The following LPP variants were observed in gnomAD, a reference collection of about 807,000 sequenced individuals.
The protein encoded by LPP is LIM domain containing preferred translocation partner in lipoma.
A neutral mutation model predicts 60.4 loss-of-function variants in LPP; 38 were observed. The ratio of observed to expected loss-of-function variants is 0.63; its 90% CI spans 0.49 to 0.83. LPP has a LOEUF of 0.83. LPP is among the 40% of genes least tolerant of loss of function. LPP has a pLI of 0.00. For missense variants in LPP, 902 were observed against 783.6 expected, an observed-to-expected ratio of 1.15 and a Z score of -1.80; for synonymous variants, 328 against 290.8, an observed-to-expected ratio of 1.13 and a Z score of -1.30.
intron 4 of LPP, among the ~76,000 whole-genome samples, chr3:188,448,072 G>T (rs1180577214): frequency 6.6e-6 from 1 of 152,088 alleles, no homozygotes; most frequent in South Asian, 2.1e-4. Flanking sequence ...TTATAACAGG[G>T]TCTATATTGG....
At chr3:188,625,376 A>G (rs1299235484) in intron 7 of LPP, among the ~76,000 whole-genome samples, 3 of 152,218 alleles carry the variant, frequency 2.0e-5, no homozygotes, top group African/African-American at 7.2e-5. Flanking sequence ...AAGATAATAC[A>G]TTGATATATA....
At position 188,801,421 on chromosome 3, in the gene LPP, C is replaced by T. The variant is rs547145371; in HGVS notation, c.1410+41139C>T. Among the ~76,000 whole-genome samples, 46 of 152,178 alleles carry T rather than the reference C, an allele frequency of 3.0e-4. No individual in the cohort carries two copies. The South Asian group carries it at 5.6e-3, about 19-fold the overall frequency. ...ATATATTGAAAACTAGAGGCACATA[C>T]GTCTATAAACAGTGCTCAGGGCGTA... is the stretch of plus-strand genomic sequence containing the variant. On this transcript the variant is annotated intron_variant, in intron 9 of 11. Transcript: ENST00000617246.
chr3:188,654,835 G>T lies in LPP; in HGVS notation c.1113+44991G>T, dbSNP rs1179663173. Among the ~76,000 whole-genome samples the T allele has an allele frequency of 1.3e-5, 2 of 152,132 alleles. 1 individual carries two copies. The highest frequency in any genetic ancestry group is 2.9e-5 in the Non-Finnish European group (2 of 68,028). ...GACTCCAACCTGCAGTGTCTTTAGT[G>T]AGTCAGAAATTAGGAAGATAGCTTC... On this transcript the variant is annotated intron_variant, in intron 7 of 11. Coordinates refer to ENST00000617246, the MANE Select transcript of LPP (RefSeq NM_001375462.1).
intron 3 of LPP, among the ~76,000 whole-genome samples, chr3:188,351,501 A>G (rs1350929385): frequency 1.3e-5 from 2 of 152,150 alleles, no homozygotes; most frequent in African/African-American, 4.8e-5. Flanking sequence ...AATAAAGGTA[A>G]TACAGGTGCT....
intron 8 of LPP, among the ~76,000 whole-genome samples, chr3:188,741,219 C>T (rs1206804485): frequency 2.7e-5 from 4 of 150,782 alleles, no homozygotes; most frequent in East Asian, 1.9e-4. Flanking sequence ...TTGGTCCCAC[C>T]GAGGTTCAAA....
intron 9 of LPP, among the ~76,000 whole-genome samples, chr3:188,799,628 T>G (rs1173409465): frequency 6.6e-6 from 1 of 152,222 alleles, no homozygotes; most frequent in African/African-American, 2.4e-5. Flanking sequence ...CTTCAGAATG[T>G]GCAAGTGCTT....
chr3:188,562,261 T>G (rs768989121), intron 6 of LPP: 23 of 152,026 alleles, frequency 1.5e-4, no homozygotes, highest in Non-Finnish European at 2.8e-4. Flanking sequence ...CATCTTTAAT[T>G]CATACAAGGA....
At position 188,794,953 on chromosome 3, in the gene LPP, C is replaced by T. The variant is rs375900366; in HGVS notation, c.1410+34671C>T. Among the ~76,000 whole-genome samples, 12 of 152,136 alleles carry T rather than the reference C, an allele frequency of 7.9e-5. No individual in the cohort carries two copies. The East Asian group carries it at 1.2e-3, about 15-fold the overall frequency. Reference sequence around the variant, plus strand: ...GAGATCAAGACCAACCTGGCCAACACGGTGAAACCCCGTCTCTACTAAAAT... The same window carrying T: ...GAGATCAAGACCAACCTGGCCAACATGGTGAAACCCCGTCTCTACTAAAAT... On this transcript the variant is annotated intron_variant, in intron 9 of 11. Transcript: ENST00000617246.
At chr3:188,739,647 A>G (rs1305583782) in intron 8 of LPP, among the ~76,000 whole-genome samples, 1 of 152,090 alleles carries the variant, frequency 6.6e-6, no homozygotes, top group African/African-American at 2.4e-5. Flanking sequence ...ACTCATAAAA[A>G]TTAGTTCCCT....
At chr3:188,618,382 C>T (rs148046554) in intron 7 of LPP, among the ~76,000 whole-genome samples, 11 of 152,228 alleles carry the variant, frequency 7.2e-5, no homozygotes, top group East Asian at 5.8e-4. Context: ...ATAAAATTTA[C>T]GAAACACTCT....
intron 1 of LPP, among the ~76,000 whole-genome samples, 169 bp from the exon 2 acceptor site, chr3:188,225,236 C>T (rs947963055): frequency 1.3e-5 from 2 of 152,146 alleles, no homozygotes; most frequent in Admixed American, 1.3e-4. Context: ...ATTCTCTTTC[C>T]CCATCATTCT....
chr3:188,773,621 A>G (rs1736792020), intron 9 of LPP, among the ~76,000 whole-genome samples: 1 of 152,232 alleles, frequency 6.6e-6, no homozygotes, highest in East Asian at 1.9e-4. Context: ...AAGATATTTG[A>G]TGCAATTTAT....
intron 6 of LPP, among the ~76,000 whole-genome samples, chr3:188,600,842 T>TCTTCAAG (rs1165926648): frequency 6.6e-6 from 1 of 152,144 alleles, no homozygotes; most frequent in African/African-American, 2.4e-5. Flanking sequence ...CTGGCTTGTT[T>TCTTCAAG]CTTCAAGCTT....
intron 8 of LPP, among the ~76,000 whole-genome samples, chr3:188,756,510 G>A (rs1730304472): frequency 6.6e-6 from 1 of 152,120 alleles, no homozygotes; most frequent in Non-Finnish European, 1.5e-5. Context: ...TTAAGATTGT[G>A]GTGTGCTTTT....
chr3:188,866,012 C>T (rs564508201), intron 9 of LPP, among the ~76,000 whole-genome samples, 188 bp from the exon 10 acceptor site: 85 of 152,044 alleles, frequency 5.6e-4, no homozygotes, highest in Non-Finnish European at 9.9e-4. Flanking sequence ...GTTAATTGGC[C>T]GATAACACTT....
chr3:188,630,777 A>G (rs1273712059), intron 7 of LPP, among the ~76,000 whole-genome samples: 1 of 152,176 alleles, frequency 6.6e-6, no homozygotes, highest in Non-Finnish European at 1.5e-5. Flanking sequence ...ATCAACCTAA[A>G]TGCCCATCAA....
intron 2 of LPP, among the ~76,000 whole-genome samples, chr3:188,282,304 C>G (rs1443342659): frequency 1.3e-5 from 2 of 152,158 alleles, no homozygotes; most frequent in Non-Finnish European, 2.9e-5. Flanking sequence ...TGCTGATATA[C>G]TTTCTGGGTC....
chr3:188,503,327 TA>T (rs1285874046), intron 5 of LPP, among the ~76,000 whole-genome samples: 1 of 152,180 alleles, frequency 6.6e-6, no homozygotes, highest in Non-Finnish European at 1.5e-5. Context: ...AATAATTTAA[TA>T]CACTCATTTC....
At chr3:188,612,567 C>T (rs193130232) in intron 7 of LPP, among the ~76,000 whole-genome samples, 1 of 152,080 alleles carries the variant, frequency 6.6e-6, no homozygotes, top group Admixed American at 6.6e-5. Flanking sequence ...ACCATCTTTA[C>T]TAATTAATTA....
Sources: gnomAD v4.1 joint callset for allele counts (sites outside exome capture counted in the v4.1 genomes callset) on GRCh38, gnomAD v4.1.1 for gene constraint, MANE v1.5 for transcripts, NCBI Gene and HGNC (gene_info 2026-07-23, HGNC 2026-07-21) for gene names.